ATP2C2: variants seen among roughly 807,000 people sequenced by gnomAD.
ATP2C2 encodes the protein calcium-transporting ATPase type 2C member 2.
Under a neutral mutation model 110.8 loss-of-function variants are expected in ATP2C2, and 171 were observed. That is an observed-to-expected ratio of 1.54 (90% CI 1.36 to 1.75). ATP2C2 has a LOEUF of 1.75. Ranked by LOEUF, ATP2C2 falls within the 40% of genes most tolerant of loss-of-function variation. ATP2C2 has a pLI of 0.00. For synonymous variants in ATP2C2, 804 were observed against 508.4 expected (o/e 1.58, Z -7.82); for missense variants, 1,963 against 1,235.0 (o/e 1.59, Z -8.84).
intron 20 of ATP2C2, among the ~76,000 whole-genome samples, chr16:84,454,606 G>T (rs112418722): frequency 1.1e-3 from 167 of 152,322 alleles, no homozygotes; most frequent in African/African-American, 3.9e-3. Context: ...CTGGGAAGAA[G>T]AAACTGTTGC....
rs376413422 is a variant in ATP2C2, at chr16:84,461,804, C to T, written c.2572C>T (p.Arg858Cys). The change falls in exon 25 of 27, where the codon CGC becomes TGC. Residue 858 changes from arginine (R) to cysteine (C), a missense_variant. By Grantham distance (180) the Arg-to-Cys change is radical. Transcript: ENST00000262429. ...CGATCTCTTCAACGCCTTGACCTGC[C>T]GCTCTCAGGTGAGACCCGGGCTGAC... Reference protein sequence around the residue: ...FFDLFNALTCRSQTKLIFEIG... With the variant: ...FFDLFNALTCCSQTKLIFEIG... 39 of 1,613,904 alleles carry T rather than the reference C, an allele frequency of 2.4e-5. No homozygotes were observed. Among genetic ancestry groups the T allele is most frequent in the Middle Eastern group, 1.7e-4 (1 of 6,058 alleles).
In ATP2C2 at chr16:84,425,803, T is replaced by C; in HGVS notation, c.986+2T>C. ...GAGTATGTTCACGATCGGGGTCAGG[T>C]AAGAGTGCTATGGCCGCCCCTTGCC... On this transcript the variant is annotated splice_donor_variant, in intron 11 of 26. Transcript: ENST00000262429. LOFTEE classifies it high-confidence loss of function. 6.2e-7 allele frequency: 1 copy of C among 1,614,028 alleles called. No homozygotes were observed.
intron 26 of ATP2C2, 41 bp downstream of exon 26, chr16:84,462,170 G>A (rs201835745): frequency 8.2e-6 from 13 of 1,584,842 alleles, no homozygotes; most frequent in Admixed American, 1.7e-5. Flanking sequence ...CCTCGACCAG[G>A]GCCATGGGGG....
At chr16:84,401,544 A>G (rs1050478538) in intron 2 of ATP2C2, among the ~76,000 whole-genome samples, 5 of 152,142 alleles carry the variant, frequency 3.3e-5, no homozygotes, top group Non-Finnish European at 7.4e-5. Context: ...ACTCTCCTGC[A>G]TATGGAGATT....
chr16:84,443,595 T>C (rs1454853071), intron 15 of ATP2C2, among the ~76,000 whole-genome samples: 1 of 152,156 alleles, frequency 6.6e-6, no homozygotes, highest in Non-Finnish European at 1.5e-5. Context: ...AGTGCCGACT[T>C]TCTCTTCAAG....
intron 1 of ATP2C2, among the ~76,000 whole-genome samples, chr16:84,389,461 A>C (rs1039891342): frequency 5.3e-5 from 8 of 152,220 alleles, no homozygotes; most frequent in African/African-American, 1.9e-4. Context: ...GTCATGGTTG[A>C]ATTTCAAACA....
chr16:84,444,978 A>C (rs946138387), intron 15 of ATP2C2, among the ~76,000 whole-genome samples: 3 of 152,104 alleles, frequency 2.0e-5, no homozygotes, highest in African/African-American at 7.2e-5. Context: ...CTGAAATAAA[A>C]CACCACTGGC....
At chr16:84,376,448 G>A (rs1227382901) in intron 1 of ATP2C2, among the ~76,000 whole-genome samples, 1 of 152,028 alleles carries the variant, frequency 6.6e-6, no homozygotes, top group African/African-American at 2.4e-5. Flanking sequence ...GACCAAGTGT[G>A]TTCAACCTGC....
chr16:84,387,038 A>T (rs2151404792), intron 1 of ATP2C2, among the ~76,000 whole-genome samples: 1 of 152,220 alleles, frequency 6.6e-6, no homozygotes, highest in East Asian at 1.9e-4. Context: ...ACCTGTGGGC[A>T]GTGGGGTTGG....
chr16:84,441,869 G>C (rs1175911214), intron 14 of ATP2C2, among the ~76,000 whole-genome samples: 1 of 152,188 alleles, frequency 6.6e-6, no homozygotes, highest in Non-Finnish European at 1.5e-5. Flanking sequence ...GTTGCAGTGA[G>C]CTGAGGTCAT....
rs187226458 is a variant in ATP2C2, at chr16:84,411,402, T to C, written c.515+637T>C. Among the ~76,000 whole-genome samples, 915 of 152,356 alleles carry C rather than the reference T, an allele frequency of 6.0e-3. 6 individuals carry two copies. The highest frequency in any genetic ancestry group is 0.017 in the South Asian group (83 of 4,828). ...GATAGAACTTGCAGGAAATGTTCTA[T>C]TAATATCATCTGCCCTGTCCAATAT... On this transcript the variant is annotated intron_variant, in intron 6 of 26. Transcript: ENST00000262429.
At chr16:84,459,727 C>T (rs1911085210) in intron 23 of ATP2C2, 2 of 721,004 alleles carry the variant, frequency 2.8e-6, no homozygotes, top group Non-Finnish European at 4.5e-6. Context: ...CCACTCAATC[C>T]CCTCACCCTG....
chr16:84,451,918 C>T lies in ATP2C2; in HGVS notation c.1661-3C>T, dbSNP rs369041641. On this transcript the variant is annotated splice_polypyrimidine_tract_variant and splice_region_variant and intron_variant, in intron 17 of 26. Coordinates refer to ENST00000262429, the MANE Select transcript of ATP2C2 (RefSeq NM_014861.4). ...CCCCTCCTTACTCCCCCTCTCTCCT[C>T]AGTGCTGGCCCTGGCTTCTGGGCCC... is the stretch of plus-strand genomic sequence containing the variant. 31 of 1,612,510 alleles carry T rather than the reference C, an allele frequency of 1.9e-5. No homozygotes were observed. The highest frequency in any genetic ancestry group is 2.3e-5 in the Non-Finnish European group (27 of 1,179,562).
At chr16:84,430,576 G>T (rs1429492557) in intron 11 of ATP2C2, among the ~76,000 whole-genome samples, 2 of 148,686 alleles carry the variant, frequency 1.3e-5, no homozygotes, top group Non-Finnish European at 3.0e-5. Context: ...GGAGGCAGAG[G>T]TTGTAGTGAG....
At chr16:84,446,213 T>C (rs1909733791) in intron 15 of ATP2C2, 116 bp from the exon 16 acceptor site, 1 of 506,978 alleles carries the variant, frequency 2.0e-6, no homozygotes, top group African/African-American at 2.0e-5. Flanking sequence ...TGCTAAATGC[T>C]TGGATTTCTT....
chr16:84,461,561 C>T (rs12931292), intron 24 of ATP2C2, 153 bp from the exon 25 acceptor site: 3 of 733,596 alleles, frequency 4.1e-6, no homozygotes, highest in Non-Finnish European at 7.3e-6. Flanking sequence ...AGCCACTGAC[C>T]TCACACCTGG....
intron 11 of ATP2C2, among the ~76,000 whole-genome samples, chr16:84,438,420 A>C (rs1401415045): frequency 6.6e-6 from 1 of 152,182 alleles, no homozygotes; most frequent in Admixed American, 6.5e-5. Flanking sequence ...AAGGGATAGA[A>C]AGAGCCCCCT....
chr16:84,370,949 T>A (rs929266776), intron 1 of ATP2C2, among the ~76,000 whole-genome samples: 1 of 152,192 alleles, frequency 6.6e-6, no homozygotes, highest in African/African-American at 2.4e-5. Context: ...AGGCTCCTAG[T>A]GGGGCCACGT....
chr16:84,446,182 A>C, intron 15 of ATP2C2, 147 bp from the exon 16 acceptor site: 1 of 415,404 alleles, frequency 2.4e-6, no homozygotes, highest in East Asian at 3.7e-5. Context: ...ACATTCCAAG[A>C]GAAATGGCCT....
Sources: allele counts gnomAD v4.1 joint callset (sites outside exome capture counted in the v4.1 genomes callset), GRCh38; gene constraint gnomAD v4.1.1; transcripts MANE v1.5; gene names NCBI Gene and HGNC (gene_info 2026-07-23, HGNC 2026-07-21).